FRMPD3: variants seen among roughly 807,000 people sequenced by gnomAD.
FRMPD3 encodes FERM and PDZ domain containing 3, also known as FERM and PDZ domain-containing protein 3.
A neutral mutation model predicts 97.9 loss-of-function variants in FRMPD3; 42 were observed. The observed-to-expected ratio is 0.43, with a 90% CI of 0.34 to 0.55. The LOEUF (loss-of-function observed/expected upper bound fraction) is 0.55. FRMPD3 is among the 20% of genes least tolerant of loss of function. The pLI, the probability that FRMPD3 is intolerant of heterozygous loss-of-function variation, is 0.03. For synonymous variants in FRMPD3, 577 were observed against 581.1 expected (o/e 0.99, Z 0.10); for missense variants, 1,303 against 1,457.7 (o/e 0.89, Z 1.73).
Position 107,597,829 on chromosome X carries a change from G to A in FRMPD3, c.1950G>A (p.Glu650=). The A allele has an allele frequency of 1.3e-6, 1 of 748,296 alleles. No individual in the cohort carries two copies. The highest frequency in any genetic ancestry group is 4.3e-5 in the South Asian group (1 of 23,146). 61.7% of individuals were successfully genotyped at this position (748,296 alleles called of 1,213,427 possible). A position where few individuals can be genotyped will look rare whatever the true frequency, so the allele number is the denominator to read the frequency against. Residue 650 remains glutamate (E), a synonymous_variant, in exon 14 of 15, where the codon GAG becomes GAA. Coordinates refer to ENST00000683843, the MANE Select transcript of FRMPD3 (RefSeq NM_001388459.1). ...TGTCCCTCCCACCACCTGGGAGTGA[G>A]GAGGAGGAGGAGGAGGAAGATGAGA... ...DLMSLPPPGS[E]EEEEEEDETT...
At chrX:107,464,807 T>G (rs1449405278) in intron 1 of FRMPD3, among the ~76,000 whole-genome samples, 1 of 111,914 alleles carries the variant, frequency 8.9e-6, no homozygotes, top group African/African-American at 3.2e-5. Flanking sequence ...GTTCACCAGG[T>G]TGATGAGCAT....
At chrX:107,530,332 G>A in intron 2 of FRMPD3, 77 bp from the exon 3 acceptor site, 1 of 776,749 alleles carries the variant, frequency 1.3e-6, no homozygotes, top group Non-Finnish European at 1.9e-6. Context: ...GCTCCTACAG[G>A]CACAGGGGAC....
chrX:107,557,695 T>G (rs4396023), intron 8 of FRMPD3, among the ~76,000 whole-genome samples: 3,437 of 87,567 alleles, frequency 0.039, 74 homozygotes, highest in East Asian at 0.11. Flanking sequence ...GTGTGTGTGT[T>G]TTTTTTTGCA....
At chrX:107,520,113 C>A (rs1453263363) in intron 1 of FRMPD3, among the ~76,000 whole-genome samples, 1 of 110,851 alleles carries the variant, frequency 9.0e-6, no homozygotes, top group African/African-American at 3.3e-5. Context: ...CTGGTGGTGA[C>A]TGAAGTGAAC....
chrX:107,555,915 G>C (rs1406902383), intron 8 of FRMPD3, among the ~76,000 whole-genome samples: 1 of 111,692 alleles, frequency 9.0e-6, no homozygotes. Context: ...TGATGAAGGA[G>C]GTGGGATGGG....
intron 13 of FRMPD3, 43 bp from the exon 14 acceptor site, chrX:107,597,278 C>T: frequency 9.1e-7 from 1 of 1,099,597 alleles, no homozygotes; most frequent in South Asian, 2.1e-5. Flanking sequence ...ATTCACAATC[C>T]TTGGCACCAG....
intron 13 of FRMPD3, among the ~76,000 whole-genome samples, chrX:107,591,406 C>T (rs923633405): frequency 8.9e-6 from 1 of 111,981 alleles, no homozygotes; most frequent in African/African-American, 3.2e-5. Context: ...ATCCACCTAC[C>T]TCGGCCTCCC....
rs2147549353 is a variant in FRMPD3, at chrX:107,526,652, G to A, written c.64G>A (p.Val22Met). ...GCTGCCAGCAGAGATACTGCGACAAGTGACCGTTCACCGAGACCCTATATA... is the reference window on the plus strand; with the variant it reads ...GCTGCCAGCAGAGATACTGCGACAAATGACCGTTCACCGAGACCCTATATA... Reference protein sequence around the residue: ...EQLPAEILRQVTVHRDPIYGF... With the variant: ...EQLPAEILRQMTVHRDPIYGF... Residue 22 changes from valine to methionine, a missense_variant, in exon 2 of 15, where the codon GTG (valine) becomes ATG (methionine). Physicochemically the swap from Val to Met is conservative, Grantham distance 21. Coordinates refer to ENST00000683843, the MANE Select transcript of FRMPD3 (RefSeq NM_001388459.1). 1 of 1,205,900 alleles carries A rather than the reference G, an allele frequency of 8.3e-7. No individual in the cohort carries two copies. The highest frequency in any genetic ancestry group is 1.8e-5 in the South Asian group (1 of 56,393).
At chrX:107,550,675 A>G (rs1296237958) in intron 6 of FRMPD3, among the ~76,000 whole-genome samples, 2 of 111,149 alleles carry the variant, frequency 1.8e-5, no homozygotes, top group Admixed American at 1.9e-4. Context: ...AAGAGCAATT[A>G]CTGAGCTGTG....
At chrX:107,595,937 CAAAA>C (rs377196495) in intron 13 of FRMPD3, among the ~76,000 whole-genome samples, 1 of 51,570 alleles carries the variant, frequency 1.9e-5, no homozygotes, top group Non-Finnish European at 4.0e-5. Flanking sequence ...GACTCCGTCT[CAAAA>C]AAAAAAAAAA....
At chrX:107,489,693 T>C (rs1312232567) in intron 1 of FRMPD3, among the ~76,000 whole-genome samples, 59 of 112,434 alleles carry the variant, frequency 5.2e-4, no homozygotes, top group Non-Finnish European at 9.6e-4. Flanking sequence ...TATTTGTTTT[T>C]TTCTTGTAAA....
At chrX:107,570,025 G>T (rs867802726) in intron 12 of FRMPD3, among the ~76,000 whole-genome samples, 2 of 98,682 alleles carry the variant, frequency 2.0e-5, no homozygotes, top group African/African-American at 7.9e-5. Flanking sequence ...AAAAAAAAAG[G>T]AAAGAAAGAA....
intron 13 of FRMPD3, among the ~76,000 whole-genome samples, chrX:107,581,723 A>G (rs1178210913): frequency 2.7e-5 from 3 of 111,532 alleles, no homozygotes; most frequent in African/African-American, 9.8e-5. Context: ...AGCTTTGCCT[A>G]TGCTGGACAT....
At chrX:107,570,364 T>C (rs1364539789) in intron 12 of FRMPD3, among the ~76,000 whole-genome samples, 2 of 109,305 alleles carry the variant, frequency 1.8e-5, no homozygotes, top group Admixed American at 1.9e-4. Flanking sequence ...GACAGGCCAC[T>C]CTGGTCTGGT....
intron 1 of FRMPD3, among the ~76,000 whole-genome samples, chrX:107,479,854 AC>A (rs1921296831): frequency 9.3e-6 from 1 of 106,979 alleles, no homozygotes; most frequent in African/African-American, 3.5e-5. Context: ...ACACACACAC[AC>A]ACACACACAC....
At chrX:107,569,478 G>A (rs1300318955) in intron 12 of FRMPD3, among the ~76,000 whole-genome samples, 2 of 109,690 alleles carry the variant, frequency 1.8e-5, no homozygotes, top group Non-Finnish European at 3.8e-5. Flanking sequence ...GGTGGCTCTG[G>A]GAAGGAATTG....
At position 107,533,524 on chromosome X, in the gene FRMPD3, G is replaced by A. The variant is rs748730331; in HGVS notation, c.271G>A (p.Val91Ile). 21 of 1,206,184 alleles carry A rather than the reference G, an allele frequency of 1.7e-5. No homozygotes were observed. The highest frequency in any genetic ancestry group is 1.2e-4 in the East Asian group (4 of 33,705). Residue 91 changes from valine to isoleucine, a missense_variant, in exon 4 of 15, where the codon GTT becomes ATT. Val to Ile is a conservative substitution (Grantham distance 29). Transcript: ENST00000683843. Reference sequence around the variant, plus strand: ...CTGTAGGAGCGCTAAGGAATTCATCGTTCTTACAGTTCTGCACACTCATCA... The same window carrying A: ...CTGTAGGAGCGCTAAGGAATTCATCATTCTTACAGTTCTGCACACTCATCA... ...ELIRSAKEFI[V>I]LTVLHTHQSP...
chrX:107,595,831 G>C (rs368602378), intron 13 of FRMPD3, among the ~76,000 whole-genome samples: 2 of 108,863 alleles, frequency 1.8e-5, no homozygotes, highest in Non-Finnish European at 3.8e-5. Context: ...CTGGCTACTC[G>C]GGAGGCTGAG....
chrX:107,500,795 A>G (rs1389981541), intron 1 of FRMPD3, among the ~76,000 whole-genome samples: 3 of 100,665 alleles, frequency 3.0e-5, no homozygotes, highest in Non-Finnish European at 6.0e-5. Flanking sequence ...GCGACAGAGT[A>G]AGACTCTGTC....
Sources: allele counts gnomAD v4.1 joint callset (sites outside exome capture counted in the v4.1 genomes callset), GRCh38; gene constraint gnomAD v4.1.1; transcripts MANE v1.5; gene names NCBI Gene and HGNC (gene_info 2026-07-23, HGNC 2026-07-21).